DTX1: variants seen among roughly 807,000 people sequenced by gnomAD.
The protein encoded by DTX1 is E3 ubiquitin-protein ligase DTX1.
A neutral mutation model predicts 57.8 loss-of-function variants in DTX1; 26 were observed. The observed-to-expected ratio is 0.45, with a 90% CI of 0.33 to 0.62. The LOEUF (loss-of-function observed/expected upper bound fraction) is 0.62, where lower values mean the gene tolerates loss of function less well. DTX1 is among the 20% of genes least tolerant of loss of function. The pLI, the probability that DTX1 is intolerant of heterozygous loss-of-function variation, is 0.02. For missense variants in DTX1, 704 were observed against 895.3 expected, an observed-to-expected ratio of 0.79 and a Z score of 2.73; for synonymous variants, 398 against 394.1, an observed-to-expected ratio of 1.01 and a Z score of -0.12.
chr12:113,079,264 G>T (rs557101219), intron 3 of DTX1, among the ~76,000 whole-genome samples: 1 of 152,186 alleles, frequency 6.6e-6, no homozygotes, highest in Non-Finnish European at 1.5e-5. Flanking sequence ...AGGAAGAGAG[G>T]GCACCCAAAA....
At chr12:113,082,972 G>A (rs1331834315) in intron 3 of DTX1, among the ~76,000 whole-genome samples, 1 of 152,224 alleles carries the variant, frequency 6.6e-6, no homozygotes, top group Non-Finnish European at 1.5e-5. Flanking sequence ...CCACAGAAAT[G>A]TATTCTCTCT....
chr12:113,087,509 A>T (rs962540206), intron 3 of DTX1, among the ~76,000 whole-genome samples: 3 of 151,378 alleles, frequency 2.0e-5, no homozygotes, highest in Non-Finnish European at 4.4e-5. Flanking sequence ...GAGGAGGGGG[A>T]GAAGGCAGCT....
rs1250012302 is a variant in DTX1 at position 113,097,353 on chromosome 12, G to A, written c.*414G>A. 1 of 161,386 alleles carries A rather than the reference G, an allele frequency of 6.2e-6. No homozygotes were observed. Among genetic ancestry groups the A allele is most frequent in the Non-Finnish European group, 1.3e-5 (1 of 74,384 alleles). 10.0% of individuals were successfully genotyped at this position (161,386 alleles called of 1,614,324 possible). A position where few individuals can be genotyped will look rare whatever the true frequency, so the allele number is the denominator to read the frequency against. ...CAGTTGCATCTGTACAGCCTTGTCT[G>A]CAAACTGGAGGATGCGGGGCAAGCC... On this transcript the variant is annotated 3_prime_UTR_variant, in exon 10 of 10. Coordinates refer to ENST00000548759, the MANE Select transcript of DTX1 (RefSeq NM_004416.3).
chr12:113,072,223 T>G (rs981846776), intron 2 of DTX1, among the ~76,000 whole-genome samples: 53 of 152,358 alleles, frequency 3.5e-4, no homozygotes, highest in African/African-American at 1.3e-3. Flanking sequence ...TGCACCAGGC[T>G]TTGTGCCTGG....
At chr12:113,083,730 CTG>C (rs1236781634) in intron 3 of DTX1, among the ~76,000 whole-genome samples, 1 of 152,202 alleles carries the variant, frequency 6.6e-6, no homozygotes, top group Non-Finnish European at 1.5e-5. Flanking sequence ...CTTTGTAGCT[CTG>C]TGTCTCTCTC....
intron 2 of DTX1, among the ~76,000 whole-genome samples, chr12:113,070,348 C>T (rs937490321): frequency 5.9e-5 from 9 of 152,238 alleles, no homozygotes; most frequent in Non-Finnish European, 1.0e-4. Context: ...TGGGACTCCC[C>T]CAGCCTGACA....
At chr12:113,086,131 G>A (rs565520764) in intron 3 of DTX1, among the ~76,000 whole-genome samples, 13 of 152,010 alleles carry the variant, frequency 8.6e-5, no homozygotes, top group African/African-American at 1.9e-4. Context: ...AGCTGGGTGC[G>A]GTGGTGCGTG....
rs1950312152 is a variant in DTX1 at position 113,097,126 on chromosome 12, A to C, written c.*187A>C. The C allele has an allele frequency of 3.1e-6, 2 of 652,602 alleles. No individual in the cohort carries two copies. Among genetic ancestry groups the C allele is most frequent in the South Asian group, 3.9e-5 (2 of 50,728 alleles). 40.4% of individuals were successfully genotyped at this position (652,602 alleles called of 1,614,324 possible). ...AGATGGCATGTCAGGCTGGCCCCGAATCATAGCTCCCTGAGAGGGCCAAGC... is the reference window on the plus strand; with the variant it reads ...AGATGGCATGTCAGGCTGGCCCCGACTCATAGCTCCCTGAGAGGGCCAAGC... On this transcript the variant is annotated 3_prime_UTR_variant, in exon 10 of 10. Transcript: ENST00000548759.
intron 2 of DTX1, among the ~76,000 whole-genome samples, chr12:113,063,531 T>C (rs2044680555): frequency 6.6e-6 from 1 of 152,244 alleles, no homozygotes; most frequent in Non-Finnish European, 1.5e-5. Flanking sequence ...CTCCATGTGC[T>C]GCTGGAGGGG....
intron 1 of DTX1, among the ~76,000 whole-genome samples, 166 bp from the exon 2 acceptor site, chr12:113,057,283 C>A (rs1204712884): frequency 6.6e-6 from 1 of 152,268 alleles, no homozygotes; most frequent in African/African-American, 2.4e-5. Flanking sequence ...CCCTGCCTTC[C>A]CTCCAGGCCT....
Position 113,094,035 on chromosome 12 carries a change from C to A in DTX1, c.1166-3C>A. ...TCAAACCCACCCCGCTGTGTCCCTG[C>A]AGGTAAGAATCCCGAGGATGTGGTT... On this transcript the variant is annotated splice_region_variant and splice_polypyrimidine_tract_variant and intron_variant, in intron 5 of 9. Transcript: ENST00000548759. The A allele has an allele frequency of 1.3e-6, 2 of 1,572,750 alleles. No individual in the cohort carries two copies. The highest frequency in any genetic ancestry group is 1.7e-6 in the Non-Finnish European group (2 of 1,158,112).
chr12:113,083,515 G>A (rs1470499100), intron 3 of DTX1, among the ~76,000 whole-genome samples: 3 of 152,100 alleles, frequency 2.0e-5, no homozygotes, highest in African/African-American at 4.8e-5. Context: ...TAGTAGAGAC[G>A]GAGTTTTGGC....
intron 9 of DTX1, among the ~76,000 whole-genome samples, chr12:113,096,456 A>AG (rs1201512411): frequency 6.7e-6 from 1 of 149,776 alleles, no homozygotes; most frequent in East Asian, 1.9e-4. Context: ...AAAAAAAAAA[A>AG]AAAAAAGAAA....
chr12:113,057,585 C>T lies in DTX1; in HGVS notation c.-608C>T, dbSNP rs547976862. 3 of 152,736 alleles carry T rather than the reference C, an allele frequency of 2.0e-5. No homozygotes were observed. Among genetic ancestry groups the T allele is most frequent in the African/African-American group, 4.8e-5 (2 of 41,494 alleles). 9.5% of individuals were successfully genotyped at this position (152,736 alleles called of 1,614,324 possible). A position where few individuals can be genotyped will look rare whatever the true frequency, so the allele number is the denominator to read the frequency against. ...ACGCCGCACCCCTCCCCCGTGCGTT[C>T]TGCGGCCACCCAGGCCTTCCAGGAC... On this transcript the variant is annotated 5_prime_UTR_variant, in exon 2 of 10. Coordinates refer to ENST00000548759, the MANE Select transcript of DTX1 (RefSeq NM_004416.3).
Position 113,096,991 on chromosome 12 carries a change from C to A in DTX1, c.*52C>A. 2 of 1,531,518 alleles carry A rather than the reference C, an allele frequency of 1.3e-6. No homozygotes were observed. Among genetic ancestry groups the A allele is most frequent in the East Asian group, 2.4e-5 (1 of 42,450 alleles). 94.9% of individuals were successfully genotyped at this position (1,531,518 alleles called of 1,614,324 possible). A position where few individuals can be genotyped will look rare whatever the true frequency, so the allele number is the denominator to read the frequency against. ...TGCTTTGCCCCTGGTCCGGCAAATG[C>A]CTCCTTCGCCAGGTGTGTCCTGGTA... is the stretch of plus-strand genomic sequence containing the variant. On this transcript the variant is annotated 3_prime_UTR_variant, in exon 10 of 10. Transcript: ENST00000548759.
chr12:113,061,202 G>A (rs757328959), intron 2 of DTX1, among the ~76,000 whole-genome samples: 1 of 152,006 alleles, frequency 6.6e-6, no homozygotes, highest in African/African-American at 2.4e-5. Flanking sequence ...CCTGTTTGCC[G>A]GAAAAGGGAA....
intron 2 of DTX1, among the ~76,000 whole-genome samples, chr12:113,063,750 A>C (rs1314854230): frequency 6.6e-6 from 1 of 152,204 alleles, no homozygotes; most frequent in African/African-American, 2.4e-5. Flanking sequence ...GGCTTCACTC[A>C]GCCCTGGTCC....
At chr12:113,091,376 C>T (rs1293422022) in intron 3 of DTX1, among the ~76,000 whole-genome samples, 1 of 136,300 alleles carries the variant, frequency 7.3e-6, no homozygotes, top group Non-Finnish European at 1.7e-5. Flanking sequence ...GGTGTGCATT[C>T]CCTAGTGTGT....
chr12:113,069,848 G>A (rs1429370217), intron 2 of DTX1, among the ~76,000 whole-genome samples: 1 of 152,190 alleles, frequency 6.6e-6, no homozygotes, highest in South Asian at 2.1e-4. Context: ...TGCCGCTGTT[G>A]TCCTTGTTGT....
Sources: gnomAD v4.1 joint callset for allele counts (sites outside exome capture counted in the v4.1 genomes callset) on GRCh38, gnomAD v4.1.1 for gene constraint, MANE v1.5 for transcripts, NCBI Gene and HGNC (gene_info 2026-07-23, HGNC 2026-07-21) for gene names.